SPAG16: variants seen among roughly 807,000 people sequenced by gnomAD.
The protein encoded by SPAG16 is sperm-associated antigen 16 protein.
A neutral mutation model predicts 80.4 loss-of-function variants in SPAG16; 86 were observed. The ratio of observed to expected loss-of-function variants is 1.07; its 90% CI spans 0.90 to 1.28. SPAG16 has a LOEUF of 1.28. SPAG16 is among the 50% of genes most tolerant of loss of function. SPAG16 has a pLI of 0.00. For synonymous variants in SPAG16, 294 were observed against 265.9 expected, an observed-to-expected ratio of 1.11 and a Z score of -1.03; for missense variants, 870 against 765.3, an observed-to-expected ratio of 1.14 and a Z score of -1.61.
At chr2:213,343,332 A>G (rs1385641264) in intron 6 of SPAG16, among the ~76,000 whole-genome samples, 1 of 152,180 alleles carries the variant, frequency 6.6e-6, no homozygotes, top group Non-Finnish European at 1.5e-5. Flanking sequence ...ATTTTTCTCC[A>G]AAAAGCTTAA....
intron 9 of SPAG16, among the ~76,000 whole-genome samples, chr2:213,447,382 A>T (rs901898089): frequency 6.6e-6 from 1 of 152,240 alleles, no homozygotes; most frequent in Admixed American, 6.5e-5. Context: ...GACTGCAAGT[A>T]TGGGAAGGGG....
rs188135535 is a variant in SPAG16 at position 213,802,261 on chromosome 2, T to C, written c.1071-60224T>C. On this transcript the variant is annotated intron_variant, in intron 10 of 15. Transcript: ENST00000331683. ...CAGAAGATAGGGACTGGGGTGAAGA[T>C]GGCAATCTGGCCAAAGAGGAGGTGT... Among the ~76,000 whole-genome samples, 147 of 152,316 alleles carry C rather than the reference T, an allele frequency of 9.7e-4. 1 individual carries two copies. Among genetic ancestry groups the C allele is most frequent in the African/African-American group, 3.3e-3 (138 of 41,578 alleles).
chr2:213,927,656 C>A (rs1177490394), intron 11 of SPAG16, among the ~76,000 whole-genome samples: 1 of 152,138 alleles, frequency 6.6e-6, no homozygotes. Flanking sequence ...TTACAGCACT[C>A]ACAAAGAAAT....
intron 10 of SPAG16, among the ~76,000 whole-genome samples, chr2:213,541,576 T>C (rs1193470248): frequency 2.6e-5 from 4 of 152,076 alleles, no homozygotes; most frequent in Non-Finnish European, 5.9e-5. Context: ...GCTGAGACCA[T>C]GCCACTGCAC....
At chr2:213,996,592 G>A (rs937958972) in intron 12 of SPAG16, among the ~76,000 whole-genome samples, 1 of 120,350 alleles carries the variant, frequency 8.3e-6, no homozygotes, top group African/African-American at 3.3e-5. Flanking sequence ...TTTTTGAGAT[G>A]GAGTCTCTCC....
chr2:214,276,688 G>T (rs1692489372), intron 15 of SPAG16, among the ~76,000 whole-genome samples: 1 of 152,168 alleles, frequency 6.6e-6, no homozygotes, highest in Non-Finnish European at 1.5e-5. Context: ...TACCCTTTGT[G>T]GGTAACCTGA....
intron 9 of SPAG16, among the ~76,000 whole-genome samples, chr2:213,401,804 C>A (rs77810836): frequency 0.054 from 8,148 of 151,964 alleles, 702 homozygotes; most frequent in African/African-American, 0.18. Context: ...TCTTTTTATG[C>A]TTGCATTTAT....
At chr2:213,372,978 A>C (rs1309704996) in intron 8 of SPAG16, among the ~76,000 whole-genome samples, 1 of 152,200 alleles carries the variant, frequency 6.6e-6, no homozygotes, top group Non-Finnish European at 1.5e-5. Flanking sequence ...AGGTACAATA[A>C]ATAGAATTTC....
Position 214,341,308 on chromosome 2 carries a change from C to G in SPAG16, c.1721-68832C>G, listed in dbSNP as rs180940677. 2.0e-5 allele frequency among the ~76,000 whole-genome samples: 3 copies of G among 151,934 alleles called. No homozygotes were observed. In the East Asian group the frequency reaches 5.8e-4, roughly 29 times the overall value. On this transcript the variant is annotated intron_variant, in intron 15 of 15. Coordinates refer to ENST00000331683, the MANE Select transcript of SPAG16 (RefSeq NM_024532.5). ...GTTTAATATTCATTCAACAGCAGTT[C>G]TAGAAAGAAAAAATTAAAAGAGAGG...
At chr2:214,272,878 C>G (rs1692140732) in intron 15 of SPAG16, among the ~76,000 whole-genome samples, 1 of 152,140 alleles carries the variant, frequency 6.6e-6, no homozygotes, top group Non-Finnish European at 1.5e-5. Context: ...CTGTCTTCCA[C>G]AATGGTTGAA....
At chr2:214,160,527 A>C (rs1013899253) in intron 15 of SPAG16, among the ~76,000 whole-genome samples, 2 of 151,788 alleles carry the variant, frequency 1.3e-5, no homozygotes, top group Non-Finnish European at 2.9e-5. Flanking sequence ...TGAATTAATC[A>C]TACTTCTCAG....
chr2:214,191,027 A>C (rs766423827), intron 15 of SPAG16, among the ~76,000 whole-genome samples: 93 of 152,238 alleles, frequency 6.1e-4, no homozygotes, highest in Middle Eastern at 3.4e-3. Context: ...CTCATTATCA[A>C]ACCAGTCTGC....
chr2:214,341,088 T>A (rs191835205), intron 15 of SPAG16, among the ~76,000 whole-genome samples: 5 of 152,232 alleles, frequency 3.3e-5, no homozygotes, highest in African/African-American at 4.8e-5. Flanking sequence ...CCCCAAAAAA[T>A]TTTTTTGCAT....
At chr2:214,150,977 T>G (rs1365535557) in intron 15 of SPAG16, among the ~76,000 whole-genome samples, 1 of 152,008 alleles carries the variant, frequency 6.6e-6, no homozygotes, top group Non-Finnish European at 1.5e-5. Flanking sequence ...AGCATAAGAA[T>G]CAGCAGTAGA....
intron 14 of SPAG16, among the ~76,000 whole-genome samples, chr2:214,130,595 C>T (rs929301858): frequency 6.6e-6 from 1 of 152,190 alleles, no homozygotes; most frequent in Non-Finnish European, 1.5e-5. Context: ...TTTATTTCTT[C>T]ATATTCCAGA....
intron 13 of SPAG16, among the ~76,000 whole-genome samples, chr2:214,081,337 C>G (rs1434404051): frequency 2.0e-5 from 3 of 152,096 alleles, no homozygotes; most frequent in African/African-American, 7.2e-5. Context: ...CCCCCAATTA[C>G]TTATCTCTGT....
At chr2:214,229,556 T>A (rs994508610) in intron 15 of SPAG16, among the ~76,000 whole-genome samples, 70 of 151,942 alleles carry the variant, frequency 4.6e-4, no homozygotes, top group African/African-American at 1.6e-3. Flanking sequence ...TCCAAAATGT[T>A]TTCAATTGAG....
At chr2:214,095,346 C>T (rs2052519379) in intron 13 of SPAG16, among the ~76,000 whole-genome samples, 1 of 152,060 alleles carries the variant, frequency 6.6e-6, no homozygotes, top group South Asian at 2.1e-4. Context: ...ACTACTAACC[C>T]TTTCATATGC....
At chr2:213,695,178 C>G (rs951659625) in intron 10 of SPAG16, among the ~76,000 whole-genome samples, 2 of 152,110 alleles carry the variant, frequency 1.3e-5, no homozygotes, top group African/African-American at 4.8e-5. Context: ...TTTTCTTACT[C>G]TTCACAGTGG....
Sources: gnomAD v4.1 joint callset for allele counts (sites outside exome capture counted in the v4.1 genomes callset) on GRCh38, gnomAD v4.1.1 for gene constraint, MANE v1.5 for transcripts, NCBI Gene and HGNC (gene_info 2026-07-23, HGNC 2026-07-21) for gene names.